TAF2: variants seen among roughly 807,000 people sequenced by gnomAD.
TAF2 encodes TATA-box binding protein associated factor 2.
TAF2 carries 61 observed loss-of-function variants against 138.5 expected under a neutral mutation model. The observed-to-expected ratio is 0.44, with a 90% CI of 0.36 to 0.54. TAF2 has a LOEUF of 0.54. TAF2 is among the 20% of genes least tolerant of loss of function. The probability of loss-of-function intolerance (pLI) is 0.00; values close to 1 mark genes in which losing one functional copy is unlikely to be tolerated. For synonymous variants in TAF2, 475 were observed against 469.9 expected, an observed-to-expected ratio of 1.01 and a Z score of -0.14; for missense variants, 1,090 against 1,427.9, an observed-to-expected ratio of 0.76 and a Z score of 3.81.
At chr8:119,773,553 TACTC>T (rs1481166689) in intron 18 of TAF2, among the ~76,000 whole-genome samples, 17 of 151,580 alleles carry the variant, frequency 1.1e-4, no homozygotes, top group African/African-American at 3.9e-4. Context: ...GGAGTTAAGA[TACTC>T]ACATCTTATG....
chr8:119,749,574 C>A (rs1820211182), intron 22 of TAF2, among the ~76,000 whole-genome samples: 1 of 152,044 alleles, frequency 6.6e-6, no homozygotes, highest in Non-Finnish European at 1.5e-5. Context: ...GGGAAAAAAA[C>A]ACTTCTAATT....
chr8:119,791,583 G>A, intron 10 of TAF2, 124 bp from the exon 11 acceptor site: 2 of 1,080,278 alleles, frequency 1.9e-6, no homozygotes. Context: ...AATTTCCTTA[G>A]TACTAATAAA....
chr8:119,792,473 A>G (rs1016610710), intron 10 of TAF2, among the ~76,000 whole-genome samples: 1 of 152,122 alleles, frequency 6.6e-6, no homozygotes, highest in African/African-American at 2.4e-5. Context: ...ACATGATCAC[A>G]TACCTAGAAG....
chr8:119,815,268 C>T (rs1390337431), intron 3 of TAF2, among the ~76,000 whole-genome samples: 1 of 149,434 alleles, frequency 6.7e-6, no homozygotes. Flanking sequence ...GATGACAGAG[C>T]GGGACTTGGT....
chr8:119,788,935 T>C, intron 12 of TAF2, 31 bp from the exon 13 acceptor site: 1 of 1,374,596 alleles, frequency 7.3e-7, no homozygotes. Flanking sequence ...GTTTACATAC[T>C]GAAACGAATA....
At chr8:119,767,527 C>T (rs1821517058) in intron 18 of TAF2, among the ~76,000 whole-genome samples, 1 of 152,194 alleles carries the variant, frequency 6.6e-6, no homozygotes, top group Admixed American at 6.5e-5. Flanking sequence ...CTCAGGCTTC[C>T]AGTCTAATAC....
intron 18 of TAF2, among the ~76,000 whole-genome samples, chr8:119,776,165 C>T (rs920470505): frequency 6.6e-6 from 1 of 151,984 alleles, no homozygotes; most frequent in Non-Finnish European, 1.5e-5. Flanking sequence ...GATCATAGAG[C>T]CTATCAGAGA....
rs781751061 is a variant in TAF2, at chr8:119,746,722, C to T, written c.3091G>A (p.Val1031Ile). The change falls in exon 23 of 26, where the codon GTT becomes ATT. Residue 1031 changes from valine (V) to isoleucine (I), a missense_variant. Val to Ile is a conservative substitution (Grantham distance 29). Coordinates refer to ENST00000378164, the MANE Select transcript of TAF2 (RefSeq NM_003184.4). ...ANNPSSHPQL[V>I]GFQNPFSSSQ... is the part of the protein sequence containing the mutation. ...ATTCTTACAGGGTTCTGAAATCCAA[C>T]TAGCTGTGGGTGACTGCTTGGATTA... The T allele has an allele frequency of 6.2e-7, 1 of 1,614,168 alleles. No homozygotes were observed. Among genetic ancestry groups the T allele is most frequent in the Non-Finnish European group, 8.5e-7 (1 of 1,180,002 alleles).
chr8:119,774,128 G>A (rs979298403), intron 18 of TAF2, among the ~76,000 whole-genome samples: 100 of 151,618 alleles, frequency 6.6e-4, no homozygotes, highest in African/African-American at 2.3e-3. Context: ...CCAAGATGGC[G>A]CCACTGCACC....
intron 3 of TAF2, among the ~76,000 whole-genome samples, chr8:119,810,533 G>A (rs1247880976): frequency 6.6e-6 from 1 of 152,154 alleles, no homozygotes; most frequent in Non-Finnish European, 1.5e-5. Context: ...GAGTCATATG[G>A]TAAACACATT....
chr8:119,783,421 A>C lies in TAF2; in HGVS notation c.2072T>G (p.Phe691Cys). The change falls in exon 16 of 26, where the codon TTC becomes TGC. Residue 691 changes from phenylalanine to cysteine, a missense_variant. Physicochemically the swap from Phe to Cys is radical, Grantham distance 205. Around this residue, in one of 3 missense-constraint regions of TAF2, gnomAD observed 580 missense variants for 719.6 expected, o/e 0.81. Coordinates refer to ENST00000378164, the MANE Select transcript of TAF2 (RefSeq NM_003184.4). ...GCAAGCTGACATTCTTACTCTGTAG[A>C]AACACTGCTCTTGTTCTAATATATC... ...LTDILEQEQC[F>C]YRVRMSACFC... 1 of 1,614,166 alleles carries C rather than the reference A, an allele frequency of 6.2e-7. No individual in the cohort carries two copies. The highest frequency in any genetic ancestry group is 8.5e-7 in the Non-Finnish European group (1 of 1,180,016).
intron 25 of TAF2, among the ~76,000 whole-genome samples, chr8:119,736,692 A>G (rs1453651398): frequency 6.6e-6 from 1 of 152,242 alleles, no homozygotes; most frequent in East Asian, 1.9e-4. Context: ...ATAAATTGAA[A>G]TATCACTATC....
intron 2 of TAF2, among the ~76,000 whole-genome samples, chr8:119,828,784 AACT>A (rs1826256431): frequency 6.6e-6 from 1 of 152,204 alleles, no homozygotes; most frequent in African/African-American, 2.4e-5. Flanking sequence ...AACAGGGCTG[AACT>A]GTCATCTCTC....
At chr8:119,801,249 G>A (rs1471258772) in intron 6 of TAF2, among the ~76,000 whole-genome samples, 2 of 152,126 alleles carry the variant, frequency 1.3e-5, no homozygotes, top group African/African-American at 4.8e-5. Flanking sequence ...AGATATAACT[G>A]AAGCTCTTTT....
intron 6 of TAF2, among the ~76,000 whole-genome samples, chr8:119,800,693 C>A (rs977701561): frequency 1.3e-5 from 2 of 152,110 alleles, no homozygotes; most frequent in Non-Finnish European, 2.9e-5. Flanking sequence ...CACAAAATAT[C>A]CTGAATCTTT....
chr8:119,812,477 T>C (rs1271221492), intron 3 of TAF2, among the ~76,000 whole-genome samples: 1 of 152,100 alleles, frequency 6.6e-6, no homozygotes, highest in Non-Finnish European at 1.5e-5. Context: ...AATCTCTCCC[T>C]CCTCCCCGCT....
chr8:119,799,138 T>C (rs1400221545), intron 6 of TAF2, among the ~76,000 whole-genome samples: 5 of 137,482 alleles, frequency 3.6e-5, no homozygotes, highest in African/African-American at 1.2e-4. Flanking sequence ...TAATCAAACA[T>C]TGATTTTTTA....
At chr8:119,777,963 T>C in intron 18 of TAF2, 56 bp downstream of exon 18, 5 of 934,454 alleles carry the variant, frequency 5.4e-6, no homozygotes, top group Non-Finnish European at 8.3e-6. Context: ...TAATATTCAT[T>C]AAGAAAATTA....
At chr8:119,768,583 T>C (rs780043230) in intron 18 of TAF2, among the ~76,000 whole-genome samples, 8 of 152,228 alleles carry the variant, frequency 5.3e-5, no homozygotes, top group Non-Finnish European at 1.0e-4. Context: ...GCCAAGCATA[T>C]GGTCAATTTG....
Sources: allele counts gnomAD v4.1 joint callset (sites outside exome capture counted in the v4.1 genomes callset), GRCh38; gene constraint gnomAD v4.1.1; regional missense constraint gnomAD v4.1.1; transcripts MANE v1.5; gene names NCBI Gene and HGNC (gene_info 2026-07-23, HGNC 2026-07-21).